The following SLC25A12 variants were observed in gnomAD, a reference collection of about 807,000 sequenced individuals.
SLC25A12 encodes the protein electrogenic aspartate/glutamate antiporter SLC25A12, mitochondrial.
In SLC25A12, 32 loss-of-function variants were observed where a neutral mutation model predicts 83.3. The observed-to-expected ratio is 0.38, with a 90% CI of 0.29 to 0.52. SLC25A12 has a LOEUF of 0.52. Among genes scored for constraint, SLC25A12 ranks in the 20% least tolerant of loss-of-function variants. The pLI, the probability that SLC25A12 is intolerant of heterozygous loss-of-function variation, is 0.84. For synonymous variants in SLC25A12, 267 were observed against 291.1 expected, an observed-to-expected ratio of 0.92 and a Z score of 0.84; for missense variants, 611 against 835.6, an observed-to-expected ratio of 0.73 and a Z score of 3.31.
chr2:171,880,629 G>A (rs1685671335), intron 2 of SLC25A12, among the ~76,000 whole-genome samples: 1 of 152,158 alleles, frequency 6.6e-6, no homozygotes, highest in African/African-American at 2.4e-5. Flanking sequence ...ACTGTGTGAT[G>A]CTGAGGTTTG....
chr2:171,835,829 T>A (rs1021257373), intron 6 of SLC25A12, among the ~76,000 whole-genome samples: 1 of 149,656 alleles, frequency 6.7e-6, no homozygotes, highest in African/African-American at 2.5e-5. Context: ...TAAATACAGT[T>A]TATATTTGTG....
chr2:171,833,485 G>A (rs1023223125), intron 8 of SLC25A12, among the ~76,000 whole-genome samples: 3 of 152,144 alleles, frequency 2.0e-5, no homozygotes, highest in Non-Finnish European at 4.4e-5. Flanking sequence ...AGGCCAGGCT[G>A]GTCTCAAACT....
At chr2:171,837,388 C>A in intron 5 of SLC25A12, 121 bp from the exon 6 acceptor site, 2 of 1,045,470 alleles carry the variant, frequency 1.9e-6, no homozygotes, top group Admixed American at 1.9e-5. Flanking sequence ...ACAAACAATG[C>A]ACAGATCTGA....
Position 171,798,261 on chromosome 2 carries a change from C to T in SLC25A12, c.1306-4494G>A, listed in dbSNP as rs111974148. On this transcript the variant is annotated intron_variant, in intron 13 of 17. Coordinates refer to ENST00000422440, the MANE Select transcript of SLC25A12 (RefSeq NM_003705.5). ...AAAAGGATGTAATTTTGAGATGTCA[C>T]CATGCCTCCACAGTGCCAAAGGCCG... 2.4e-4 allele frequency among the ~76,000 whole-genome samples: 36 copies of T among 152,310 alleles called. 2 individuals are homozygous for T. Among genetic ancestry groups the T allele is most frequent in the African/African-American group, 8.2e-4 (34 of 41,576 alleles).
chr2:171,815,740 G>A (rs971513708), intron 9 of SLC25A12, among the ~76,000 whole-genome samples: 5 of 152,016 alleles, frequency 3.3e-5, no homozygotes, highest in African/African-American at 1.2e-4. Context: ...AATTCCACCA[G>A]ATGTTATTTC....
chr2:171,835,752 C>A (rs1281357504), intron 6 of SLC25A12, among the ~76,000 whole-genome samples: 1 of 152,178 alleles, frequency 6.6e-6, no homozygotes, highest in East Asian at 1.9e-4. Context: ...AGGTCTATTA[C>A]AAATAGTGTA....
At chr2:171,886,482 G>T (rs537811854) in intron 2 of SLC25A12, among the ~76,000 whole-genome samples, 1 of 146,318 alleles carries the variant, frequency 6.8e-6, no homozygotes, top group Non-Finnish European at 1.5e-5. Flanking sequence ...GAAAAATTCA[G>T]TGCTGCAGTT....
intron 7 of SLC25A12, among the ~76,000 whole-genome samples, chr2:171,834,525 T>C (rs1297360988): frequency 2.0e-5 from 3 of 152,186 alleles, no homozygotes; most frequent in South Asian, 2.1e-4. Flanking sequence ...TTTTCAAAAC[T>C]GTCAAAGCCA....
At chr2:171,869,272 T>A (rs1035316625) in intron 2 of SLC25A12, among the ~76,000 whole-genome samples, 1 of 152,250 alleles carries the variant, frequency 6.6e-6, no homozygotes, top group Non-Finnish European at 1.5e-5. Context: ...TCATACAACA[T>A]GGTAAATATA....
At chr2:171,813,608 C>A (rs1683990897) in intron 10 of SLC25A12, 111 bp from the exon 11 acceptor site, 2 of 1,171,754 alleles carry the variant, frequency 1.7e-6, no homozygotes, top group Admixed American at 1.8e-5. Context: ...AACATGTATT[C>A]TCACAAAAGA....
At chr2:171,824,289 C>G (rs1022023844) in intron 9 of SLC25A12, among the ~76,000 whole-genome samples, 3 of 152,090 alleles carry the variant, frequency 2.0e-5, no homozygotes, top group African/African-American at 7.2e-5. Context: ...CATCACTTTC[C>G]TAAGGATGAA....
intron 13 of SLC25A12, among the ~76,000 whole-genome samples, chr2:171,806,371 C>T (rs1466407185): frequency 6.6e-6 from 1 of 152,150 alleles, no homozygotes; most frequent in Non-Finnish European, 1.5e-5. Flanking sequence ...AGGAGAATCG[C>T]ATTAACCTGG....
At chr2:171,785,524 C>T (rs1056765748) in intron 17 of SLC25A12, 49 bp from the exon 18 acceptor site, 5 of 1,552,808 alleles carry the variant, frequency 3.2e-6, no homozygotes, top group Non-Finnish European at 4.4e-6. Context: ...GGTGGATGAG[C>T]GCAGCTTACA....
intron 2 of SLC25A12, among the ~76,000 whole-genome samples, chr2:171,872,770 A>G (rs568093459): frequency 6.6e-6 from 1 of 152,326 alleles, no homozygotes; most frequent in African/African-American, 2.4e-5. Context: ...TTGCAAGTGG[A>G]GAGAATGGGT....
intron 8 of SLC25A12, among the ~76,000 whole-genome samples, chr2:171,828,708 A>T (rs1431782803): frequency 6.6e-6 from 1 of 152,214 alleles, no homozygotes; most frequent in Non-Finnish European, 1.5e-5. Flanking sequence ...TCCACATGAC[A>T]AAAGAAATCC....
chr2:171,844,363 G>A lies in SLC25A12; in HGVS notation c.465+6C>T. ...TATTGATACCTGTTATGAAAACTAA[G>A]CTCACCTGGAGAAACTGCGTGAATT... On this transcript the variant is annotated splice_donor_region_variant and intron_variant, in intron 5 of 17. Coordinates refer to ENST00000422440, the MANE Select transcript of SLC25A12 (RefSeq NM_003705.5). 6.2e-7 allele frequency: 1 copy of A among 1,613,722 alleles called. No individual in the cohort carries two copies. Among genetic ancestry groups the A allele is most frequent in the South Asian group, 1.1e-5 (1 of 91,070 alleles).
At chr2:171,840,044 A>T (rs1389058942) in intron 5 of SLC25A12, among the ~76,000 whole-genome samples, 1 of 152,170 alleles carries the variant, frequency 6.6e-6, no homozygotes, top group Non-Finnish European at 1.5e-5. Context: ...AAGGTAGTAA[A>T]CTGAAAGTCC....
intron 9 of SLC25A12, among the ~76,000 whole-genome samples, chr2:171,821,858 TTTTC>T (rs1330430040): frequency 6.6e-6 from 1 of 152,200 alleles, no homozygotes; most frequent in Non-Finnish European, 1.5e-5. Context: ...TTATTAATCT[TTTTC>T]TTTATGACTG....
In SLC25A12 at chr2:171,872,169, T is replaced by C. The variant is rs555937281; in HGVS notation, c.67-3346A>G. Among the ~76,000 whole-genome samples, 7 of 152,206 alleles carry C rather than the reference T, an allele frequency of 4.6e-5. 1 individual carries two copies. In the South Asian group the frequency reaches 1.5e-3, roughly 32 times the overall value. On this transcript the variant is annotated intron_variant, in intron 2 of 17. Transcript: ENST00000422440. ...CTTTGTGAGTCCCTAGACAAGTTTA[T>C]TGTCCTCCCAGGCCTCTAGATATTT...
Sources: allele counts gnomAD v4.1 joint callset (sites outside exome capture counted in the v4.1 genomes callset), GRCh38; gene constraint gnomAD v4.1.1; transcripts MANE v1.5; gene names NCBI Gene and HGNC (gene_info 2026-07-23, HGNC 2026-07-21).